The following ACAP2 variants were observed in gnomAD, a reference collection of about 807,000 sequenced individuals.
The protein encoded by ACAP2 is arf-GAP with coiled-coil, ANK repeat and PH domain-containing protein 2.
Under a neutral mutation model 115.8 loss-of-function variants are expected in ACAP2, and 39 were observed. The observed-to-expected ratio is 0.34, with a 90% CI of 0.26 to 0.44. ACAP2 has a LOEUF of 0.44. ACAP2 is among the 20% of genes least tolerant of loss of function. ACAP2 has a pLI of 1.00. For synonymous variants in ACAP2, 289 were observed against 315.8 expected (o/e 0.92, Z 0.90); for missense variants, 662 against 927.6 (o/e 0.71, Z 3.72).
Position 195,301,563 on chromosome 3 carries a change from A to G in ACAP2, c.1395+12T>C, listed in dbSNP as rs373421069. ...AAAATATGAAATATTTTAAAGCAAA[A>G]ATTTTTTTTACCTTTAAAAGTTCTG... On this transcript the variant is annotated intron_variant, in intron 15 of 22. Transcript: ENST00000326793. 1.5e-4 allele frequency: 243 copies of G among 1,587,480 alleles called. No homozygotes were observed. The highest frequency in any genetic ancestry group is 2.0e-4 in the Non-Finnish European group (232 of 1,168,118).
intron 18 of ACAP2, among the ~76,000 whole-genome samples, chr3:195,292,846 C>G (rs550573158): frequency 7.3e-6 from 1 of 137,590 alleles, no homozygotes; most frequent in Admixed American, 8.2e-5. Flanking sequence ...CACTTGAACC[C>G]GGGAGGCAGA....
At position 195,275,124 on chromosome 3, in the gene ACAP2, A is replaced by C. The variant is rs1726146161; in HGVS notation, c.*4204T>G. 5 of 152,670 alleles carry C rather than the reference A, an allele frequency of 3.3e-5. No individual in the cohort carries two copies. The South Asian group carries it at 8.3e-4, about 25-fold the overall frequency. 9.5% of individuals were successfully genotyped at this position (152,670 alleles called of 1,614,324 possible). On this transcript the variant is annotated 3_prime_UTR_variant, in exon 23 of 23. Coordinates refer to ENST00000326793, the MANE Select transcript of ACAP2 (RefSeq NM_012287.6). ...TTTGTGTAAAATAAATGGTGCCAAC[A>C]ATCTTTATAATGTAGCAAGCTTTCC...
chr3:195,290,361 T>C (rs1408129019), intron 20 of ACAP2, among the ~76,000 whole-genome samples: 8 of 151,982 alleles, frequency 5.3e-5, no homozygotes, highest in South Asian at 2.1e-4. Context: ...GTGAGCAACA[T>C]AGTGAGACTC....
intron 4 of ACAP2, among the ~76,000 whole-genome samples, chr3:195,379,004 G>A (rs1733768649): frequency 2.0e-5 from 3 of 151,892 alleles, no homozygotes; most frequent in Admixed American, 2.0e-4. Flanking sequence ...TATTTCAAAG[G>A]ATAATAAATT....
intron 10 of ACAP2, among the ~76,000 whole-genome samples, chr3:195,309,731 A>G (rs1728639612): frequency 6.6e-6 from 1 of 152,212 alleles, no homozygotes; most frequent in Admixed American, 6.5e-5. Context: ...ACTTTCATAT[A>G]AAATACTCCT....
At chr3:195,434,854 G>C (rs1483091665) in intron 1 of ACAP2, among the ~76,000 whole-genome samples, 1 of 152,092 alleles carries the variant, frequency 6.6e-6, no homozygotes, top group Non-Finnish European at 1.5e-5. Context: ...ATTCTTCTAA[G>C]TTAATGTCAT....
rs1445117105 is a variant in ACAP2 at position 195,276,395 on chromosome 3, T to C, written c.*2933A>G. The C allele has an allele frequency of 6.6e-6, 1 of 152,226 alleles. No individual in the cohort carries two copies. Among genetic ancestry groups the C allele is most frequent in the Non-Finnish European group, 1.5e-5 (1 of 68,034 alleles). The allele number at this position is 152,226 out of a possible 1,614,324, so 9.4% of individuals were successfully genotyped here. On this transcript the variant is annotated 3_prime_UTR_variant, in exon 23 of 23. Coordinates refer to ENST00000326793, the MANE Select transcript of ACAP2 (RefSeq NM_012287.6). ...AGGTAACTTTTTAAAACCTTAGAAA[T>C]CTTAAGCACATAAATGTTATAATGA...
intron 16 of ACAP2, 61 bp downstream of exon 16, chr3:195,297,129 A>T: frequency 1.4e-6 from 2 of 1,400,368 alleles, no homozygotes; most frequent in South Asian, 1.2e-5. Flanking sequence ...ATCAATTACT[A>T]CAGTGAAATA....
At chr3:195,408,495 T>G (rs894313350) in intron 1 of ACAP2, among the ~76,000 whole-genome samples, 2 of 152,110 alleles carry the variant, frequency 1.3e-5, no homozygotes, top group African/African-American at 2.4e-5. Context: ...GTCCTAGACC[T>G]AATGGCTTCA....
intron 4 of ACAP2, among the ~76,000 whole-genome samples, chr3:195,363,368 C>T (rs1732496980): frequency 6.6e-6 from 1 of 152,066 alleles, no homozygotes; most frequent in African/African-American, 2.4e-5. Flanking sequence ...CCAGGCCGGG[C>T]ACGGTGGCTC....
In ACAP2 at chr3:195,347,844, A is replaced by C. The variant is rs577372925; in HGVS notation, c.286-2527T>G. On this transcript the variant is annotated intron_variant, in intron 4 of 22. Coordinates refer to ENST00000326793, the MANE Select transcript of ACAP2 (RefSeq NM_012287.6). The stretch of plus-strand genomic sequence containing the variant: ...GCAACATGGCAAGACCCATCTCTCT[A>C]TATATATACATTTTCAAATGAGCCA... Among the ~76,000 whole-genome samples the C allele has an allele frequency of 5.5e-4, 83 of 152,036 alleles. No homozygotes were observed. In the Middle Eastern group the frequency reaches 0.017, roughly 31 times the overall value.
chr3:195,393,252 C>G (rs1039066532), intron 1 of ACAP2, among the ~76,000 whole-genome samples: 6 of 152,180 alleles, frequency 3.9e-5, no homozygotes, highest in Non-Finnish European at 5.9e-5. Flanking sequence ...GGAAGGATCA[C>G]TTGGGCCTAG....
intron 1 of ACAP2, among the ~76,000 whole-genome samples, chr3:195,438,030 T>TTTC (rs1553874559): frequency 2.2e-5 from 3 of 138,438 alleles, no homozygotes; most frequent in East Asian, 2.2e-4. Flanking sequence ...AAGAATTTTC[T>TTTC]TTTTTTTTTT....
At chr3:195,284,473 T>C (rs1342114648) in intron 22 of ACAP2, among the ~76,000 whole-genome samples, 2 of 152,126 alleles carry the variant, frequency 1.3e-5, no homozygotes, top group Non-Finnish European at 2.9e-5. Flanking sequence ...CCGCCTACTA[T>C]TGTATGATCC....
chr3:195,330,625 C>A (rs1361496074), intron 8 of ACAP2, among the ~76,000 whole-genome samples: 1 of 152,110 alleles, frequency 6.6e-6, no homozygotes, highest in Non-Finnish European at 1.5e-5. Context: ...TCTATATGTT[C>A]CTGCAACACT....
intron 20 of ACAP2, 76 bp downstream of exon 20, chr3:195,291,630 C>A: frequency 7.9e-7 from 1 of 1,272,578 alleles, no homozygotes; most frequent in Non-Finnish European, 1.1e-6. Flanking sequence ...AAACTTTAAC[C>A]TAAGAAAAAC....
intron 21 of ACAP2, among the ~76,000 whole-genome samples, chr3:195,288,105 A>C (rs1726967488): frequency 6.6e-6 from 1 of 152,162 alleles, no homozygotes; most frequent in African/African-American, 2.4e-5. Context: ...GTCTCAAAAA[A>C]AAAAAAAAGA....
intron 4 of ACAP2, among the ~76,000 whole-genome samples, chr3:195,370,978 T>C (rs1189371192): frequency 6.6e-6 from 1 of 151,624 alleles, no homozygotes; most frequent in Non-Finnish European, 1.5e-5. Flanking sequence ...AAAAATAGTT[T>C]GAAGTCTGGA....
chr3:195,380,498 C>T (rs955264627), intron 4 of ACAP2, among the ~76,000 whole-genome samples: 5 of 152,102 alleles, frequency 3.3e-5, no homozygotes, highest in Non-Finnish European at 7.4e-5. Flanking sequence ...AATTTTGTGA[C>T]ACTCCCAAAG....
Sources: gnomAD v4.1 joint callset for allele counts (sites outside exome capture counted in the v4.1 genomes callset) on GRCh38, gnomAD v4.1.1 for gene constraint, MANE v1.5 for transcripts, NCBI Gene and HGNC (gene_info 2026-07-23, HGNC 2026-07-21) for gene names.